Variants in UBASH3B observed in about 807,000 individuals in gnomAD.
UBASH3B encodes ubiquitin-associated and SH3 domain-containing protein B.
UBASH3B carries 37 observed loss-of-function variants against 83.4 expected under a neutral mutation model. That is an observed-to-expected ratio of 0.44 (90% CI 0.34 to 0.58). UBASH3B has a LOEUF of 0.58. Ranked by LOEUF, UBASH3B falls within the 20% of genes least tolerant of loss-of-function variation. The pLI, the probability that UBASH3B is intolerant of heterozygous loss-of-function variation, is 0.01. For synonymous variants in UBASH3B, 304 were observed against 318.3 expected (o/e 0.96, Z 0.48); for missense variants, 657 against 827.2 (o/e 0.79, Z 2.52).
chr11:122,799,055 A>G (rs770970771), intron 10 of UBASH3B, 21 bp downstream of exon 10: 5 of 1,601,474 alleles, frequency 3.1e-6, no homozygotes, highest in Non-Finnish European at 4.3e-6. Context: ...CAGGTTGACA[A>G]AAACAAGTAG....
intron 1 of UBASH3B, among the ~76,000 whole-genome samples, chr11:122,711,697 A>G (rs1361605375): frequency 6.6e-6 from 1 of 152,196 alleles, no homozygotes; most frequent in Non-Finnish European, 1.5e-5. Flanking sequence ...TGATAGAACC[A>G]ATTTCCTTTA....
intron 1 of UBASH3B, among the ~76,000 whole-genome samples, chr11:122,766,677 G>A (rs1195859816): frequency 6.6e-6 from 1 of 151,096 alleles, no homozygotes; most frequent in Non-Finnish European, 1.5e-5. Context: ...CGGGAGGCGG[G>A]GCTGGCAGTG....
At chr11:122,687,653 C>T (rs1863826005) in intron 1 of UBASH3B, among the ~76,000 whole-genome samples, 1 of 152,160 alleles carries the variant, frequency 6.6e-6, no homozygotes, top group Non-Finnish European at 1.5e-5. Flanking sequence ...ACCCATTTTA[C>T]AGATGAGAAA....
Position 122,719,452 on chromosome 11 carries a change from C to T in UBASH3B, c.162-56767C>T, listed in dbSNP as rs140739719. 2.0e-5 allele frequency among the ~76,000 whole-genome samples: 3 copies of T among 152,304 alleles called. No homozygotes were observed. In the East Asian group the frequency reaches 5.8e-4, roughly 29 times the overall value. ...TTTCTTGTCCCTTTCTTTCATTACT[C>T]TCTCCTTGTCTTTTCCCCTTCGTCC... On this transcript the variant is annotated intron_variant, in intron 1 of 13. Transcript: ENST00000284273.
At chr11:122,730,719 C>T (rs1053650634) in intron 1 of UBASH3B, among the ~76,000 whole-genome samples, 1 of 152,140 alleles carries the variant, frequency 6.6e-6, no homozygotes, top group Non-Finnish European at 1.5e-5. Flanking sequence ...CCTCAGCCTC[C>T]CTAGTAGCTG....
intron 1 of UBASH3B, among the ~76,000 whole-genome samples, chr11:122,688,620 T>TATTTTA (rs1419318290): frequency 1.2e-5 from 1 of 84,966 alleles, no homozygotes; most frequent in Non-Finnish European, 2.7e-5. Context: ...CTAATTTTTT[T>TATTTTA]CTTTCTTTTA....
At chr11:122,793,575 G>T (rs1054615622) in intron 6 of UBASH3B, among the ~76,000 whole-genome samples, 2 of 152,192 alleles carry the variant, frequency 1.3e-5, no homozygotes, top group African/African-American at 4.8e-5. Context: ...ACTCTGCTCA[G>T]TGATTCCAAA....
chr11:122,712,768 AG>A (rs2135937592), intron 1 of UBASH3B, among the ~76,000 whole-genome samples: 1 of 152,234 alleles, frequency 6.6e-6, no homozygotes, highest in South Asian at 2.1e-4. Flanking sequence ...GCTTCTTAAC[AG>A]CAGTTACATT....
chr11:122,776,926 G>A (rs535940071), intron 2 of UBASH3B, 98 bp from the exon 3 acceptor site: 3 of 1,183,756 alleles, frequency 2.5e-6, no homozygotes, highest in East Asian at 2.6e-5. Context: ...GCTGTGCCGG[G>A]GATTTGGAGC....
At chr11:122,696,107 G>A (rs778330004) in intron 1 of UBASH3B, among the ~76,000 whole-genome samples, 2 of 151,842 alleles carry the variant, frequency 1.3e-5, no homozygotes, top group Non-Finnish European at 2.9e-5. Flanking sequence ...CCACCACCAT[G>A]CCTGGATAAT....
At chr11:122,680,660 T>C (rs1291349652) in intron 1 of UBASH3B, among the ~76,000 whole-genome samples, 1 of 151,820 alleles carries the variant, frequency 6.6e-6, no homozygotes, top group Non-Finnish European at 1.5e-5. Flanking sequence ...ACGGAGTTTC[T>C]CCATGTTGGT....
chr11:122,693,568 A>G (rs1388243866), intron 1 of UBASH3B, among the ~76,000 whole-genome samples: 1 of 152,168 alleles, frequency 6.6e-6, no homozygotes, highest in Non-Finnish European at 1.5e-5. Flanking sequence ...AAGCCTGTAA[A>G]TGAGGCTGAA....
intron 1 of UBASH3B, among the ~76,000 whole-genome samples, chr11:122,766,418 G>T (rs907823963): frequency 6.6e-6 from 1 of 152,162 alleles, no homozygotes; most frequent in African/African-American, 2.4e-5. Flanking sequence ...GGTAGCGGGC[G>T]CCTGTAGTCC....
At chr11:122,716,589 C>T (rs1860529889) in intron 1 of UBASH3B, among the ~76,000 whole-genome samples, 1 of 152,148 alleles carries the variant, frequency 6.6e-6, no homozygotes, top group African/African-American at 2.4e-5. Context: ...CTTGGGACAT[C>T]AGGATGTCCT....
intron 12 of UBASH3B, among the ~76,000 whole-genome samples, chr11:122,807,091 G>C (rs1861354488): frequency 6.6e-6 from 1 of 152,112 alleles, no homozygotes; most frequent in Non-Finnish European, 1.5e-5. Flanking sequence ...TATTCAAACA[G>C]TAGGCAGCCA....
intron 12 of UBASH3B, 70 bp from the exon 13 acceptor site, chr11:122,807,997 C>T: frequency 8.3e-7 from 1 of 1,202,062 alleles, no homozygotes; most frequent in Non-Finnish European, 1.2e-6. Context: ...ATTTAGTTAG[C>T]TTCCAGTATT....
intron 11 of UBASH3B, 113 bp downstream of exon 11, chr11:122,801,445 C>A: frequency 1.6e-6 from 2 of 1,248,828 alleles, no homozygotes; most frequent in South Asian, 3.1e-5. Context: ...AGGCAGTTGT[C>A]CATAGTGGTG....
chr11:122,781,820 A>G (rs2135149529), intron 4 of UBASH3B, among the ~76,000 whole-genome samples: 1 of 152,352 alleles, frequency 6.6e-6, no homozygotes, highest in Admixed American at 6.5e-5. Context: ...AAGTACTGAA[A>G]ACCTGCATGA....
chr11:122,804,638 C>A (rs762748516), intron 11 of UBASH3B, among the ~76,000 whole-genome samples: 1 of 151,970 alleles, frequency 6.6e-6, no homozygotes, highest in Admixed American at 6.6e-5. Flanking sequence ...AGGATTAGAC[C>A]GAAGAAATGC....
Sources: gnomAD v4.1 joint callset for allele counts (sites outside exome capture counted in the v4.1 genomes callset) on GRCh38, gnomAD v4.1.1 for gene constraint, MANE v1.5 for transcripts, NCBI Gene and HGNC (gene_info 2026-07-23, HGNC 2026-07-21) for gene names.